Variants in TMEM207 observed in about 807,000 individuals in gnomAD.
TMEM207 encodes the protein transmembrane protein 207, also known as SRSR846.
TMEM207 carries 15 observed loss-of-function variants against 17.4 expected under a neutral mutation model. The observed-to-expected ratio is 0.86, with a 90% confidence interval of 0.58 to 1.33. TMEM207 has a LOEUF of 1.33. Ranked by LOEUF, TMEM207 falls within the 40% of genes most tolerant of loss-of-function variation. The pLI is 0.00. For synonymous variants in TMEM207, 70 were observed against 65.6 expected, an observed-to-expected ratio of 1.07 and a Z score of -0.33; for missense variants, 205 against 173.8, an observed-to-expected ratio of 1.18 and a Z score of -1.01.
chr3:190,438,791 T>C (rs1004003161), intron 4 of TMEM207, among the ~76,000 whole-genome samples: 11 of 152,340 alleles, frequency 7.2e-5, no homozygotes, highest in African/African-American at 2.6e-4. Flanking sequence ...TAACATATTT[T>C]GTTAAAATAT....
intron 2 of TMEM207, among the ~76,000 whole-genome samples, chr3:190,445,027 T>G (rs1047035857): frequency 1.3e-5 from 2 of 152,212 alleles, no homozygotes; most frequent in African/African-American, 4.8e-5. Flanking sequence ...TTTCACCAGA[T>G]GTATAATTGA....
At chr3:190,431,366 A>G (rs187867733) in intron 4 of TMEM207, among the ~76,000 whole-genome samples, 24 of 152,238 alleles carry the variant, frequency 1.6e-4, no homozygotes, top group Non-Finnish European at 3.2e-4. Flanking sequence ...CAAGAGCTGT[A>G]CTAATGATAG....
At position 190,441,365 on chromosome 3, in the gene TMEM207, A is replaced by G. The variant is rs181245012; in HGVS notation, c.158+73T>C. The G allele has an allele frequency of 1.2e-3, 1,371 of 1,189,716 alleles. 20 individuals are homozygous for G. The highest frequency in any genetic ancestry group is 1.3e-4 in the Non-Finnish European group (107 of 806,248). 73.7% of individuals were successfully genotyped at this position (1,189,716 alleles called of 1,614,324 possible). On this transcript the variant is annotated intron_variant, in intron 3 of 4. Transcript: ENST00000354905. The stretch of plus-strand genomic sequence containing the variant: ...CTTAAGCTGTATGATTTCATGTACC[A>G]TCTCAAATTATTTAGGACAAAGACT...
chr3:190,438,372 G>A (rs1465344866), intron 4 of TMEM207, among the ~76,000 whole-genome samples: 1 of 151,176 alleles, frequency 6.6e-6, no homozygotes, highest in African/African-American at 2.4e-5. Context: ...GTCACTCAGT[G>A]CTAGCACATG....
At chr3:190,433,856 T>C (rs1428557865) in intron 4 of TMEM207, among the ~76,000 whole-genome samples, 1 of 152,102 alleles carries the variant, frequency 6.6e-6, no homozygotes, top group African/African-American at 2.4e-5. Context: ...ACCATAACCT[T>C]GGTGCTGTTC....
Position 190,441,482 on chromosome 3 carries a change from C to G in TMEM207, c.114G>C (p.Met38Ile), listed in dbSNP as rs747504889. 2.5e-6 allele frequency: 4 copies of G among 1,610,994 alleles called. No homozygotes were observed. In the Admixed American group the frequency reaches 6.7e-5, roughly 27 times the overall value. ...GGTGTTGGTCATTATAATTTACACA[C>G]CTGGTGATAAAGGGAGAGCGTTAGT... ...LSDLPCEEDE[M>I]CVNYNDQHPN... is the part of the protein sequence containing the mutation. Residue 38 changes from methionine (M) to isoleucine (I), a missense_variant and splice_region_variant, in exon 3 of 5, where the codon ATG (methionine) becomes ATC (isoleucine). Coordinates refer to ENST00000354905, the MANE Select transcript of TMEM207 (RefSeq NM_207316.3).
chr3:190,449,261 A>G (rs1488956861), intron 1 of TMEM207, among the ~76,000 whole-genome samples: 4 of 152,180 alleles, frequency 2.6e-5, no homozygotes, highest in Admixed American at 2.0e-4. Context: ...ACAGATCTAG[A>G]GATGCACGTG....
rs140411711 is a variant in TMEM207, at chr3:190,448,166, T to C, written c.76-339A>G. 4.4e-3 allele frequency among the ~76,000 whole-genome samples: 670 copies of C among 152,258 alleles called. 4 individuals are homozygous for C. Among genetic ancestry groups the C allele is most frequent in the African/African-American group, 0.016 (652 of 41,556 alleles). ...CACTTTGCATTTTTTGTTTTCATGT[T>C]GTAGCTAGAGGTCAGAGGTTCATTA... On this transcript the variant is annotated intron_variant, in intron 1 of 4. Transcript: ENST00000354905.
Position 190,449,772 on chromosome 3 carries a change from A to G in TMEM207, c.38T>C (p.Ile13Thr), listed in dbSNP as rs930738887. 65 of 1,613,848 alleles carry G rather than the reference A, an allele frequency of 4.0e-5. No homozygotes were observed. The highest frequency in any genetic ancestry group is 5.5e-5 in the Non-Finnish European group (65 of 1,179,810). Reference sequence around the variant, plus strand: ...CAAACACAAGATCCCTATCGTTGAGATCGCTGAGGTGACACTGAAAAGTCT... The same window carrying G: ...CAAACACAAGATCCCTATCGTTGAGGTCGCTGAGGTGACACTGAAAAGTCT... Reference protein sequence around the residue: ...RSRLFSVTSAISTIGILCLPL... With the variant: ...RSRLFSVTSATSTIGILCLPL... Residue 13 changes from isoleucine to threonine, a missense_variant, in exon 1 of 5, where the codon ATC (isoleucine) becomes ACC (threonine). Coordinates refer to ENST00000354905, the MANE Select transcript of TMEM207 (RefSeq NM_207316.3).
intron 2 of TMEM207, among the ~76,000 whole-genome samples, chr3:190,445,943 C>T (rs1720036255): frequency 6.6e-6 from 1 of 152,200 alleles, no homozygotes; most frequent in African/African-American, 2.4e-5. Flanking sequence ...ATCAGCACCT[C>T]CTCCACCATG....
At position 190,429,490 on chromosome 3, in the gene TMEM207, A is replaced by C. The variant is rs999564361; in HGVS notation, c.*105T>G. 19 of 1,488,336 alleles carry C rather than the reference A, an allele frequency of 1.3e-5. No homozygotes were observed. The African/African-American group carries it at 2.4e-4, about 19-fold the overall frequency. 92.2% of individuals were successfully genotyped at this position (1,488,336 alleles called of 1,614,324 possible). A position where few individuals can be genotyped will look rare whatever the true frequency, so the allele number is the denominator to read the frequency against. ...AATTGTCCTTCCTCAGACTATATGA[A>C]TAGATCTCTGGACATTTCCAACAAC... On this transcript the variant is annotated 3_prime_UTR_variant, in exon 5 of 5. Transcript: ENST00000354905.
chr3:190,443,618 A>G (rs1004537028), intron 2 of TMEM207, among the ~76,000 whole-genome samples: 4 of 152,168 alleles, frequency 2.6e-5, no homozygotes, highest in Non-Finnish European at 5.9e-5. Context: ...TCAGAGAACT[A>G]CACTGGAACA....
chr3:190,431,259 C>T (rs892445093), intron 4 of TMEM207, among the ~76,000 whole-genome samples: 3 of 152,000 alleles, frequency 2.0e-5, no homozygotes, highest in African/African-American at 7.2e-5. Flanking sequence ...CTCGTGTCTA[C>T]CTCTATAAAA....
intron 4 of TMEM207, among the ~76,000 whole-genome samples, chr3:190,438,738 A>G (rs1162277260): frequency 6.6e-6 from 1 of 152,228 alleles, no homozygotes; most frequent in Non-Finnish European, 1.5e-5. Flanking sequence ...CTGGAGGTAA[A>G]TAAAGAAAAA....
intron 4 of TMEM207, among the ~76,000 whole-genome samples, chr3:190,436,468 C>A (rs939128817): frequency 3.3e-5 from 5 of 152,142 alleles, no homozygotes; most frequent in African/African-American, 1.2e-4. Flanking sequence ...AGTCCCATAA[C>A]CTTGGTGTGG....
chr3:190,442,735 T>C (rs1206182035), intron 2 of TMEM207, among the ~76,000 whole-genome samples: 1 of 151,866 alleles, frequency 6.6e-6, no homozygotes, highest in Non-Finnish European at 1.5e-5. Flanking sequence ...CAAATGGCCA[T>C]GAATAAAAGA....
chr3:190,439,013 T>TA lies in TMEM207; in HGVS notation c.304+1230dup, dbSNP rs571510033. ...GACCACGGTGAAACCCCGTCTCTACTAAAAATACAAAAAATTAGCCGGGCG... is the reference window on the plus strand; with the variant it reads ...GACCACGGTGAAACCCCGTCTCTACTAAAAAATACAAAAAATTAGCCGGGCG... On this transcript the variant is annotated intron_variant, in intron 4 of 4. Coordinates refer to ENST00000354905, the MANE Select transcript of TMEM207 (RefSeq NM_207316.3). Among the ~76,000 whole-genome samples, 1,281 of 143,802 alleles carry TA rather than the reference T, an allele frequency of 8.9e-3. 8 individuals carry two copies. The highest frequency in any genetic ancestry group is 0.031 in the African/African-American group (1,240 of 39,902). The allele number at this position is 143,802 out of a possible 152,430, so 94.3% of individuals were successfully genotyped here.
chr3:190,431,595 C>A (rs1430431977), intron 4 of TMEM207, among the ~76,000 whole-genome samples: 1 of 151,996 alleles, frequency 6.6e-6, no homozygotes, highest in Non-Finnish European at 1.5e-5. Context: ...TGGTAAAATA[C>A]AGTTACCCTA....
intron 4 of TMEM207, 120 bp downstream of exon 4, chr3:190,440,124 T>A (rs1388770583): frequency 8.3e-7 from 1 of 1,200,078 alleles, no homozygotes; most frequent in Non-Finnish European, 1.2e-6. Flanking sequence ...GGCCTTGGTG[T>A]CTCCAATAAG....
Sources: gnomAD v4.1 joint callset for allele counts (sites outside exome capture counted in the v4.1 genomes callset) on GRCh38, gnomAD v4.1.1 for gene constraint, MANE v1.5 for transcripts, NCBI Gene and HGNC (gene_info 2026-07-23, HGNC 2026-07-21) for gene names.